YAE1: variants seen among roughly 807,000 people sequenced by gnomAD.
YAE1 encodes protein YAE1 homolog.
Under a neutral mutation model 23.0 loss-of-function variants are expected in YAE1, and 22 were observed. The ratio of observed to expected loss-of-function variants is 0.96; its 90% confidence interval spans 0.68 to 1.37. YAE1 has a LOEUF of 1.37. YAE1 is among the 40% of genes most tolerant of loss of function. The probability of loss-of-function intolerance (pLI) is 0.00; values close to 1 mark genes in which losing one functional copy is unlikely to be tolerated. For synonymous variants in YAE1, 101 were observed against 97.0 expected (o/e 1.04, Z -0.24); for missense variants, 260 against 262.1 (o/e 0.99, Z 0.06).
intron 2 of YAE1, among the ~76,000 whole-genome samples, chr7:39,592,965 C>A (rs1790921005): frequency 1.3e-5 from 2 of 152,186 alleles, no homozygotes; most frequent in African/African-American, 4.8e-5. Flanking sequence ...ATTTAAACCT[C>A]TTAATGCTGT....
intron 2 of YAE1, 138 bp downstream of exon 2, chr7:39,570,765 A>G: frequency 8.7e-7 from 1 of 1,148,724 alleles, no homozygotes; most frequent in Non-Finnish European, 1.2e-6. Context: ...TCATAGAATT[A>G]TATTGCCTTC....
intron 1 of YAE1, 76 bp downstream of exon 1, chr7:39,566,623 G>A: frequency 6.3e-7 from 1 of 1,586,246 alleles, no homozygotes; most frequent in Non-Finnish European, 8.6e-7. Flanking sequence ...TGGGTCCAGA[G>A]TGGCCCCAGC....
intron 2 of YAE1, among the ~76,000 whole-genome samples, chr7:39,600,757 G>A (rs1259327356): frequency 6.6e-6 from 1 of 152,158 alleles, no homozygotes; most frequent in Non-Finnish European, 1.5e-5. Flanking sequence ...AGAACGCCAC[G>A]TGAAGATGGA....
At position 39,566,525 on chromosome 7, in the gene YAE1, G is replaced by C. The variant is rs765381674; in HGVS notation, c.107G>C (p.Ser36Thr). 15 of 1,614,112 alleles carry C rather than the reference G, an allele frequency of 9.3e-6. No individual in the cohort carries two copies. Among genetic ancestry groups the C allele is most frequent in the Non-Finnish European group, 1.3e-5 (15 of 1,179,966 alleles). Residue 36 changes from serine (S) to threonine (T), a missense_variant, in exon 1 of 3, where the codon AGT becomes ACT. Coordinates refer to ENST00000223273, the MANE Select transcript of YAE1 (RefSeq NM_020192.5). ...ESLLAQREWQ[S>T]NMQRRVKEGY... ...CTCCTGGCGCAGCGGGAATGGCAGA[G>C]TAACATGCAAAGACGAGTCAAAGTA...
chr7:39,585,202 T>C (rs1790798321), intron 2 of YAE1, among the ~76,000 whole-genome samples: 1 of 152,238 alleles, frequency 6.6e-6, no homozygotes. Context: ...AGAAACATTG[T>C]AGAAAATATT....
intron 2 of YAE1, among the ~76,000 whole-genome samples, chr7:39,598,067 C>T (rs1463873242): frequency 6.6e-6 from 1 of 151,784 alleles, no homozygotes; most frequent in Non-Finnish European, 1.5e-5. Flanking sequence ...TCCTTGGTGT[C>T]CTAAAGTCCT....
intron 2 of YAE1, among the ~76,000 whole-genome samples, chr7:39,608,337 G>C (rs192118009): frequency 6.6e-6 from 1 of 152,286 alleles, no homozygotes; most frequent in Non-Finnish European, 1.5e-5. Context: ...AAAGTTCTTG[G>C]GAATACACAG....
At position 39,586,494 on chromosome 7, in the gene YAE1, C is replaced by CTCTT. The variant is rs1343443354; in HGVS notation, c.251+15881_251+15884dup. ...GCCAGTAATGATAACTATCATTTCT[C>CTCTT]TCTTTCTTTCTTTCTTTTTTTTTTA... On this transcript the variant is annotated intron_variant, in intron 2 of 2. Coordinates refer to the YAE1 transcript ENST00000432096. 2.8e-3 allele frequency among the ~76,000 whole-genome samples: 412 copies of CTCTT among 146,662 alleles called. 1 individual carries two copies. The highest frequency in any genetic ancestry group is 9.0e-3 in the African/African-American group (359 of 39,698).
rs2115778351 is a variant in YAE1, at chr7:39,572,862, T to G, written c.*156T>G. ...CTATTGTCTTCAAAATTAACACTAT[T>G]AAATGTAATATAAGCCTTTTTTCTT... On this transcript the variant is annotated 3_prime_UTR_variant, in exon 3 of 3. Coordinates refer to ENST00000223273, the MANE Select transcript of YAE1 (RefSeq NM_020192.5). 7.5e-7 allele frequency: 1 copy of G among 1,330,492 alleles called. No individual in the cohort carries two copies. Among genetic ancestry groups the G allele is most frequent in the African/African-American group, 1.5e-5 (1 of 67,822 alleles). The allele number at this position is 1,330,492 out of a possible 1,614,324, so 82.4% of individuals were successfully genotyped here.
chr7:39,566,753 G>A, intron 1 of YAE1: 1 of 656,232 alleles, frequency 1.5e-6, no homozygotes. Flanking sequence ...GAGCGCCTAC[G>A]GGATGCGTTA....
intron 2 of YAE1, among the ~76,000 whole-genome samples, chr7:39,585,744 A>G (rs765977068): frequency 1.3e-5 from 2 of 152,208 alleles, no homozygotes; most frequent in Non-Finnish European, 2.9e-5. Context: ...TACATTGGTG[A>G]ACAAAAAGTT....
At chr7:39,567,842 A>C (rs1427974005) in intron 1 of YAE1, among the ~76,000 whole-genome samples, 1 of 152,192 alleles carries the variant, frequency 6.6e-6, no homozygotes, top group Non-Finnish European at 1.5e-5. Flanking sequence ...ATTGTCTACT[A>C]CATAATGGTC....
chr7:39,570,165 C>G, intron 1 of YAE1: 1 of 729,958 alleles, frequency 1.4e-6, no homozygotes, highest in Non-Finnish European at 2.3e-6. Flanking sequence ...ACCAGGACTG[C>G]CAGCGGAACT....
intron 2 of YAE1, among the ~76,000 whole-genome samples, chr7:39,609,275 G>T (rs373447617): frequency 1.3e-5 from 2 of 152,146 alleles, no homozygotes; most frequent in Non-Finnish European, 2.9e-5. Flanking sequence ...GAAAGCATTA[G>T]GAACATCTGG....
At chr7:39,598,877 A>T (rs1245625276) in intron 2 of YAE1, among the ~76,000 whole-genome samples, 1 of 150,512 alleles carries the variant, frequency 6.6e-6, no homozygotes, top group East Asian at 1.9e-4. Flanking sequence ...CTGTTTAAAG[A>T]TAAAGGAAAG....
At chr7:39,604,086 G>A (rs1039020883) in intron 2 of YAE1, among the ~76,000 whole-genome samples, 1 of 152,214 alleles carries the variant, frequency 6.6e-6, no homozygotes, top group Non-Finnish European at 1.5e-5. Context: ...AAATATGGAG[G>A]AAGGGTTGAT....
Position 39,570,507 on chromosome 7 carries a change from A to G in YAE1, c.131A>G (p.Glu44Gly). 6.2e-7 allele frequency: 1 copy of G among 1,607,946 alleles called. No homozygotes were observed. Among genetic ancestry groups the G allele is most frequent in the South Asian group, 1.1e-5 (1 of 89,304 alleles). Residue 44 changes from glutamate to glycine, a missense_variant and splice_region_variant, in exon 2 of 3, where the codon GAA (glutamate) becomes GGA (glycine). Glu to Gly is a moderately conservative substitution (Grantham distance 98). Transcript: ENST00000223273. Reference protein sequence around the residue: ...WQSNMQRRVKEGYRDGIDAGK... With the variant: ...WQSNMQRRVKGGYRDGIDAGK... ...CACTTCTCCATTACTTATTTTTAGG[A>G]AGGTTATAGAGATGGAATAGATGCT...
At chr7:39,601,385 G>A (rs545482377) in intron 2 of YAE1, among the ~76,000 whole-genome samples, 1 of 152,264 alleles carries the variant, frequency 6.6e-6, no homozygotes, top group African/African-American at 2.4e-5. Flanking sequence ...TTACAGGGCA[G>A]CTAACACAAG....
chr7:39,572,265 A>G lies in YAE1; in HGVS notation c.252-12A>G, dbSNP rs1790580027. Reference sequence around the variant, plus strand: ...ATTTTGCTATTTAACCCTTGTTTATACTTTTGTTCAGTGCTTTGCTCTCCT... The same window carrying G: ...ATTTTGCTATTTAACCCTTGTTTATGCTTTTGTTCAGTGCTTTGCTCTCCT... On this transcript the variant is annotated splice_polypyrimidine_tract_variant and intron_variant, in intron 2 of 2. Transcript: ENST00000223273. The G allele has an allele frequency of 6.3e-7, 1 of 1,586,100 alleles. No individual in the cohort carries two copies. The highest frequency in any genetic ancestry group is 1.4e-5 in the African/African-American group (1 of 73,752).
Sources: gnomAD v4.1 joint callset for allele counts (sites outside exome capture counted in the v4.1 genomes callset) on GRCh38, gnomAD v4.1.1 for gene constraint, MANE v1.5 for transcripts, NCBI Gene and HGNC (gene_info 2026-07-23, HGNC 2026-07-21) for gene names.